DLGAP2: variants seen among roughly 807,000 people sequenced by gnomAD.
DLGAP2 encodes the protein disks large-associated protein 2.
DLGAP2 carries 26 observed loss-of-function variants against 100.3 expected under a neutral mutation model. The ratio of observed to expected loss-of-function variants is 0.26; its 90% CI spans 0.19 to 0.36. DLGAP2 has a LOEUF of 0.36. Ranked by LOEUF, DLGAP2 falls within the 10% of genes least tolerant of loss-of-function variation. The pLI, the probability that DLGAP2 is intolerant of heterozygous loss-of-function variation, is 1.00. For missense variants in DLGAP2, 1,858 were observed against 1,453.2 expected (o/e 1.28, Z -4.53); for synonymous variants, 886 against 630.1 (o/e 1.41, Z -6.08).
intron 3 of DLGAP2, among the ~76,000 whole-genome samples, chr8:1,271,548 ACAT>A (rs900506413): frequency 6.6e-6 from 1 of 152,236 alleles, no homozygotes; most frequent in African/African-American, 2.4e-5. Flanking sequence ...CATCCGAGAA[ACAT>A]CTGAAAATTC....
chr8:1,567,057 C>T (rs141173655), intron 6 of DLGAP2, among the ~76,000 whole-genome samples: 17 of 152,234 alleles, frequency 1.1e-4, no homozygotes, highest in African/African-American at 3.4e-4. Flanking sequence ...AAAATGTTGC[C>T]CTGGGGAAGC....
intron 3 of DLGAP2, among the ~76,000 whole-genome samples, chr8:1,339,505 C>G (rs545359233): frequency 1.3e-5 from 2 of 152,334 alleles, no homozygotes; most frequent in Non-Finnish European, 2.9e-5. Flanking sequence ...GGAACCGCAG[C>G]ACTGTCCCCT....
At chr8:1,007,314 C>A (rs996862283) in intron 2 of DLGAP2, among the ~76,000 whole-genome samples, 3 of 152,196 alleles carry the variant, frequency 2.0e-5, no homozygotes, top group African/African-American at 7.2e-5. Flanking sequence ...AGGACCTGGC[C>A]AGCCGCTCTC....
intron 2 of DLGAP2, among the ~76,000 whole-genome samples, chr8:1,079,024 GGGA>G (rs1369058553): frequency 6.6e-6 from 1 of 152,208 alleles, no homozygotes; most frequent in Non-Finnish European, 1.5e-5. Flanking sequence ...CCCACCAGCA[GGGA>G]GGAGAGTTCC....
intron 2 of DLGAP2, among the ~76,000 whole-genome samples, chr8:1,042,684 G>C (rs979280542): frequency 6.6e-6 from 1 of 152,140 alleles, no homozygotes; most frequent in Non-Finnish European, 1.5e-5. Flanking sequence ...TGTAGGTGGT[G>C]GATGTGGGTG....
At chr8:1,343,796 G>A (rs1478244869) in intron 3 of DLGAP2, among the ~76,000 whole-genome samples, 1 of 152,126 alleles carries the variant, frequency 6.6e-6, no homozygotes, top group Non-Finnish European at 1.5e-5. Flanking sequence ...CTTCACGCCT[G>A]CTGTGGCACG....
intron 3 of DLGAP2, among the ~76,000 whole-genome samples, chr8:1,342,495 AAGT>A (rs2117084124): frequency 7.1e-6 from 1 of 141,406 alleles, no homozygotes; most frequent in East Asian, 2.1e-4. Flanking sequence ...GTGAAGGGCC[AAGT>A]AGTTAATAGT....
rs1326520314 is a variant in DLGAP2, at chr8:1,676,574, G to T, written c.2244G>T (p.Leu748=). ...ATTCTGACACGGAGAGCCGCGGTCT[G>T]CGGGAATACCACTCTGTCGGGGTGC... ...ATDSDTESRG[L]REYHSVGVQV... Residue 748 remains leucine, a synonymous_variant, in exon 11 of 15, where the codon CTG becomes CTT. Coordinates refer to ENST00000637795, the MANE Select transcript of DLGAP2 (RefSeq NM_001346810.2). 2 of 1,613,622 alleles carry T rather than the reference G, an allele frequency of 1.2e-6. No homozygotes were observed. Among genetic ancestry groups the T allele is most frequent in the South Asian group, 2.2e-5 (2 of 90,936 alleles).
Position 1,229,535 on chromosome 8 carries a change from G to A in DLGAP2, c.74-29316G>A, listed in dbSNP as rs186538948. Reference sequence around the variant, plus strand: ...TAGAGGTTTCATAATAGTCTCTGAGGATCTTTTGTTTTTCTGTGGGATTAG... The same window carrying A: ...TAGAGGTTTCATAATAGTCTCTGAGAATCTTTTGTTTTTCTGTGGGATTAG... On this transcript the variant is annotated intron_variant, in intron 2 of 14. Transcript: ENST00000637795. Among the ~76,000 whole-genome samples the A allele has an allele frequency of 4.2e-5, 6 of 143,024 alleles. No individual in the cohort carries two copies. The East Asian group carries it at 1.7e-3, about 42-fold the overall frequency. The allele number at this position is 143,024 out of a possible 152,430, so 93.8% of individuals were successfully genotyped here.
intron 3 of DLGAP2, among the ~76,000 whole-genome samples, chr8:1,408,947 A>G (rs73530706): frequency 0.016 from 2,449 of 152,336 alleles, 57 homozygotes; most frequent in African/African-American, 0.056. Context: ...GAGACAGTGG[A>G]CATTTAATCG....
chr8:1,615,096 G>T (rs953247166), intron 6 of DLGAP2, among the ~76,000 whole-genome samples: 1 of 152,230 alleles, frequency 6.6e-6, no homozygotes, highest in Non-Finnish European at 1.5e-5. Context: ...CAGAAGAGGT[G>T]GGGGTCAGAA....
intron 10 of DLGAP2, among the ~76,000 whole-genome samples, chr8:1,675,102 T>C (rs753614493): frequency 5.3e-5 from 8 of 152,082 alleles, no homozygotes; most frequent in Non-Finnish European, 1.0e-4. Context: ...CAGTCTAGGG[T>C]CAGCTTCTGC....
intron 12 of DLGAP2, among the ~76,000 whole-genome samples, chr8:1,687,784 C>CTGAT (rs959458651): frequency 9.9e-5 from 15 of 152,222 alleles, no homozygotes; most frequent in African/African-American, 2.2e-4. Flanking sequence ...TTTTAAGAAA[C>CTGAT]TGATTGACTT....
At chr8:1,315,830 C>T (rs1370704277) in intron 3 of DLGAP2, among the ~76,000 whole-genome samples, 2 of 93,260 alleles carry the variant, frequency 2.1e-5, no homozygotes. Flanking sequence ...AGAAACTCGG[C>T]AGCGTTTAAA....
intron 8 of DLGAP2, among the ~76,000 whole-genome samples, chr8:1,654,875 C>T (rs994329273): frequency 2.0e-5 from 3 of 152,118 alleles, no homozygotes; most frequent in Non-Finnish European, 2.9e-5. Flanking sequence ...ATTCAAAATT[C>T]TGTACTTAGA....
intron 4 of DLGAP2, among the ~76,000 whole-genome samples, chr8:1,504,833 C>T (rs1005254074): frequency 6.6e-6 from 1 of 152,190 alleles, no homozygotes; most frequent in Non-Finnish European, 1.5e-5. Flanking sequence ...TCTTAACGAA[C>T]ACGAGAGAGC....
chr8:1,246,206 C>T (rs929434417), intron 2 of DLGAP2, among the ~76,000 whole-genome samples: 1 of 152,072 alleles, frequency 6.6e-6, no homozygotes, highest in African/African-American at 2.4e-5. Context: ...GGGTAATTGG[C>T]CCAGACAAAA....
At position 1,106,381 on chromosome 8, in the gene DLGAP2, A is replaced by AG. The variant is rs1361503991; in HGVS notation, c.74-152466dup. On this transcript the variant is annotated intron_variant, in intron 2 of 14. Coordinates refer to ENST00000637795, the MANE Select transcript of DLGAP2 (RefSeq NM_001346810.2). Reference sequence around the variant, plus strand: ...GCCATTCTAGGAGGGTTTTCTATTGAGGGGAGCCATTCTAGGAGGGTTTTC... The same window carrying AG: ...GCCATTCTAGGAGGGTTTTCTATTGAGGGGGAGCCATTCTAGGAGGGTTTTC... Among the ~76,000 whole-genome samples, 45 of 150,016 alleles carry AG rather than the reference A, an allele frequency of 3.0e-4. 1 individual carries two copies. The highest frequency in any genetic ancestry group is 1.0e-3 in the African/African-American group (42 of 40,682).
intron 2 of DLGAP2, among the ~76,000 whole-genome samples, chr8:1,162,435 G>C (rs1254356491): frequency 6.6e-6 from 1 of 152,202 alleles, no homozygotes; most frequent in Non-Finnish European, 1.5e-5. Flanking sequence ...AGTTAAAGCA[G>C]TCTGTTTCTA....
Sources: allele counts gnomAD v4.1 joint callset (sites outside exome capture counted in the v4.1 genomes callset), GRCh38; gene constraint gnomAD v4.1.1; transcripts MANE v1.5; gene names NCBI Gene and HGNC (gene_info 2026-07-23, HGNC 2026-07-21).